Variants in ZNF202 observed in about 807,000 individuals in gnomAD.
The protein encoded by ZNF202 is zinc finger protein with KRAB and SCAN domains 10.
In ZNF202, 22 loss-of-function variants were observed where a neutral mutation model predicts 54.5. The observed-to-expected ratio is 0.40, with a 90% CI of 0.29 to 0.58. The LOEUF is 0.58. Ranked by LOEUF, ZNF202 falls within the 20% of genes least tolerant of loss-of-function variation. The pLI, the probability that ZNF202 is intolerant of heterozygous loss-of-function variation, is 0.39. For synonymous variants in ZNF202, 294 were observed against 301.4 expected (o/e 0.98, Z 0.26); for missense variants, 644 against 805.5 (o/e 0.80, Z 2.43).
chr11:123,741,371 G>A (rs1435943177), intron 1 of ZNF202, among the ~76,000 whole-genome samples, 178 bp downstream of exon 1: 1 of 152,226 alleles, frequency 6.6e-6, no homozygotes, highest in East Asian at 1.9e-4. Flanking sequence ...AGACCACAAC[G>A]TCTCGGCACC....
At chr11:123,739,566 C>G (rs1484381657) in intron 3 of ZNF202, 1 of 152,120 alleles carries the variant, frequency 6.6e-6, no homozygotes, top group African/African-American at 2.4e-5. Flanking sequence ...TTAAGAAAAT[C>G]AAGGGGAAGA....
intron 7 of ZNF202, 53 bp from the exon 8 acceptor site, chr11:123,727,648 G>C: frequency 6.2e-7 from 1 of 1,607,840 alleles, no homozygotes; most frequent in Non-Finnish European, 8.5e-7. Flanking sequence ...AATTCCCTGT[G>C]TTAAGAGCGG....
rs887691239 is a variant in ZNF202, at chr11:123,729,647, T to C, written c.581A>G (p.Gln194Arg). Residue 194 changes from glutamine (Q) to arginine (R), a missense_variant, in exon 5 of 9, where the codon CAG becomes CGG. Gln to Arg is a conservative substitution (Grantham distance 43, BLOSUM62 1). Around this residue, in one of 3 missense-constraint regions of ZNF202, gnomAD observed 536 missense variants for 635.3 expected, o/e 0.84. Transcript: ENST00000530393. ...CTGCAGGGTCTGGAGCTCCTCTTCCTGGTGTGGACGCTGCTCTGCCGGTGC... is the reference window on the plus strand; with the variant it reads ...CTGCAGGGTCTGGAGCTCCTCTTCCCGGTGTGGACGCTGCTCTGCCGGTGC... ...LGAPAEQRPH[Q>R]EEELQTLQES... 12 of 1,607,204 alleles carry C rather than the reference T, an allele frequency of 7.5e-6. No homozygotes were observed. The highest frequency in any genetic ancestry group is 4.0e-5 in the African/African-American group (3 of 74,810).
intron 3 of ZNF202, among the ~76,000 whole-genome samples, chr11:123,733,244 GATC>G (rs200314771): frequency 0.037 from 5,583 of 152,260 alleles, 250 homozygotes; most frequent in East Asian, 0.15. Context: ...TACAGTCAAT[GATC>G]ACATTATCTT....
intron 5 of ZNF202, among the ~76,000 whole-genome samples, 168 bp from the exon 6 acceptor site, chr11:123,729,382 A>C (rs1244177072): frequency 6.6e-6 from 1 of 152,156 alleles, no homozygotes; most frequent in Admixed American, 6.5e-5. Context: ...CCCATCACCT[A>C]TGAGACTATC....
chr11:123,728,094 C>A, intron 7 of ZNF202, 39 bp downstream of exon 7: 1 of 1,584,300 alleles, frequency 6.3e-7, no homozygotes, highest in South Asian at 1.1e-5. Flanking sequence ...AAAAAGATCT[C>A]TGGGCTTAGA....
chr11:123,724,709 G>T lies in ZNF202; in HGVS notation c.*1288C>A, dbSNP rs530470439. ...CCTTTAACTGGCAACAGAGATTGTT[G>T]GGCCATCATGAGATGCTACTTTCTA... On this transcript the variant is annotated 3_prime_UTR_variant, in exon 9 of 9. Coordinates refer to ENST00000530393, the MANE Select transcript of ZNF202 (RefSeq NM_003455.4). 6.6e-6 allele frequency: 1 copy of T among 152,264 alleles called. No individual in the cohort carries two copies. Among genetic ancestry groups the T allele is most frequent in the African/African-American group, 2.4e-5 (1 of 41,538 alleles). The allele number at this position is 152,264 out of a possible 1,614,324, so 9.4% of individuals were successfully genotyped here.
rs1299857364 is a variant in ZNF202, at chr11:123,724,077, A to G, written c.*1920T>C. 3 of 152,220 alleles carry G rather than the reference A, an allele frequency of 2.0e-5. No homozygotes were observed. Among genetic ancestry groups the G allele is most frequent in the Non-Finnish European group, 4.4e-5 (3 of 68,044 alleles). 9.4% of individuals were successfully genotyped at this position (152,220 alleles called of 1,614,324 possible). ...TTTTGTGGCAGACATTTCACCCAGG[A>G]CAAGCTGTGCTTAGGCTTAGATACT... On this transcript the variant is annotated 3_prime_UTR_variant, in exon 9 of 9. Coordinates refer to ENST00000530393, the MANE Select transcript of ZNF202 (RefSeq NM_003455.4).
chr11:123,723,997 G>A lies in ZNF202; in HGVS notation c.*2000C>T, dbSNP rs544374769. Among the ~76,000 whole-genome samples, 1 of 152,200 alleles carries A rather than the reference G, an allele frequency of 6.6e-6. No homozygotes were observed. Among genetic ancestry groups the A allele is most frequent in the African/African-American group, 2.4e-5 (1 of 41,448 alleles). ...ATTAAAAAGTCAATTTGTTGTCACTGCCAGTATTTTACCAACCTTTATAAA... is the reference window on the plus strand; with the variant it reads ...ATTAAAAAGTCAATTTGTTGTCACTACCAGTATTTTACCAACCTTTATAAA... On this transcript the variant is annotated 3_prime_UTR_variant, in exon 9 of 9. Transcript: ENST00000530393.
intron 3 of ZNF202, among the ~76,000 whole-genome samples, chr11:123,733,379 T>C (rs1861495977): frequency 6.6e-6 from 1 of 152,222 alleles, no homozygotes. Context: ...GATCTTCATG[T>C]GTAATTTTTC....
In ZNF202 at chr11:123,729,156, C is replaced by A. The variant is rs1445591627; in HGVS notation, c.672G>T (p.Glu224Asp). ...ACAGAGCAGTAAGAAGAGCAACCAT[C>A]TCTGAGTCTCCAGAGCTCCTCTCTG... Reference protein sequence around the residue: ...LPAERSSGDSEMVALLTALSQ... With the variant: ...LPAERSSGDSDMVALLTALSQ... The change falls in exon 6 of 9, where the codon GAG (glutamate) becomes GAT (aspartate). Residue 224 changes from glutamate (E) to aspartate (D), a missense_variant. By Grantham distance (45) the Glu-to-Asp change is conservative. Around this residue, in one of 3 missense-constraint regions of ZNF202, gnomAD observed 536 missense variants for 635.3 expected, o/e 0.84. Coordinates refer to ENST00000530393, the MANE Select transcript of ZNF202 (RefSeq NM_003455.4). 1.9e-6 allele frequency: 3 copies of A among 1,614,040 alleles called. No homozygotes were observed. Among genetic ancestry groups the A allele is most frequent in the Non-Finnish European group, 2.5e-6 (3 of 1,180,018 alleles).
At position 123,726,936 on chromosome 11, in the gene ZNF202, C is replaced by T; in HGVS notation, c.1008G>A (p.Glu336=). 2 of 1,613,970 alleles carry T rather than the reference C, an allele frequency of 1.2e-6. No homozygotes were observed. Among genetic ancestry groups the T allele is most frequent in the Non-Finnish European group, 1.7e-6 (2 of 1,180,042 alleles). ...CTCCCAAAACAGGCCTGTGTATATC[C>T]TCCAAACTCAGATCTTCCTGCTCCA... ...ECLEQEDLSL[E]DIHRPVLGEP... Residue 336 remains glutamate, a synonymous_variant, in exon 9 of 9, where the codon GAG becomes GAA. Coordinates refer to ENST00000530393, the MANE Select transcript of ZNF202 (RefSeq NM_003455.4). The surrounding 1 kb of genome is among the most constrained non-coding windows in gnomAD (Gnocchi z 6.0).
chr11:123,738,419 A>T (rs1861719267), intron 3 of ZNF202, among the ~76,000 whole-genome samples: 1 of 152,216 alleles, frequency 6.6e-6, no homozygotes, highest in Non-Finnish European at 1.5e-5. Flanking sequence ...AAACTACCCC[A>T]GAGCAGTTAA....
chr11:123,725,764 G>A lies in ZNF202; in HGVS notation c.*233C>T, dbSNP rs1055148094. On this transcript the variant is annotated 3_prime_UTR_variant, in exon 9 of 9. Transcript: ENST00000530393. ...TAGAGGCAGGTGCACTCCAGTGAAG[G>A]AGAAGCCTCAATTCAGGTTGTACTT... 9.5e-6 allele frequency: 5 copies of A among 525,590 alleles called. No individual in the cohort carries two copies. Among genetic ancestry groups the A allele is most frequent in the Non-Finnish European group, 1.3e-5 (4 of 299,622 alleles). The allele number at this position is 525,590 out of a possible 1,614,324, so 32.6% of individuals were successfully genotyped here.
rs957827841 is a variant in ZNF202, at chr11:123,725,280, C to T, written c.*717G>A. ...AAATATTAAAAACAAAACCAAAACT[C>T]GTATGGAAAGAGGCTTCTGACTAGG... On this transcript the variant is annotated 3_prime_UTR_variant, in exon 9 of 9. Transcript: ENST00000530393. The T allele has an allele frequency of 3.3e-5, 5 of 152,154 alleles. No individual in the cohort carries two copies. The highest frequency in any genetic ancestry group is 7.4e-5 in the Non-Finnish European group (5 of 68,026). The allele number at this position is 152,154 out of a possible 1,614,324, so 9.4% of individuals were successfully genotyped here. A position where few individuals can be genotyped will look rare whatever the true frequency, so the allele number is the denominator to read the frequency against.
At chr11:123,738,862 C>T (rs780868177) in intron 3 of ZNF202, 4 of 152,112 alleles carry the variant, frequency 2.6e-5, no homozygotes, top group Non-Finnish European at 5.9e-5. Flanking sequence ...ATGGGATCCC[C>T]GCCTGTTGAA....
At chr11:123,738,131 C>T (rs1158166571) in intron 3 of ZNF202, among the ~76,000 whole-genome samples, 1 of 152,170 alleles carries the variant, frequency 6.6e-6, no homozygotes, top group African/African-American at 2.4e-5. Context: ...CCCACCCCAG[C>T]CTCCTAAGTA....
intron 3 of ZNF202, among the ~76,000 whole-genome samples, chr11:123,738,404 C>T (rs1861718273): frequency 6.6e-6 from 1 of 152,178 alleles, no homozygotes; most frequent in South Asian, 2.1e-4. Context: ...TTTTAACCTT[C>T]AGGAAAACTA....
Position 123,726,194 on chromosome 11 carries a change from A to C in ZNF202, c.1750T>G (p.Leu584Val). 6.2e-7 allele frequency: 1 copy of C among 1,614,184 alleles called. No homozygotes were observed. The change falls in exon 9 of 9, where the codon TTG (leucine) becomes GTG (valine). Residue 584 changes from leucine to valine, a missense_variant. Coordinates refer to ENST00000530393, the MANE Select transcript of ZNF202 (RefSeq NM_003455.4). The surrounding 1 kb of genome is among the most constrained non-coding windows in gnomAD (Gnocchi z 6.0). ...GGCCTCACTGAGGCGTGTCCTCTCA[A>C]GTGCTTGGCGAACGCTGCGCTGTGG... Reference protein sequence around the residue: ...FTHSAAFAKHLRGHASVRPCR... With the variant: ...FTHSAAFAKHVRGHASVRPCR...
Sources: gnomAD v4.1 joint callset for allele counts (sites outside exome capture counted in the v4.1 genomes callset) on GRCh38, gnomAD v4.1.1 for gene constraint, gnomAD v4.1.1 regional missense constraint, Gnocchi (gnomAD v3.1) non-coding constraint, MANE v1.5 for transcripts, NCBI Gene and HGNC (gene_info 2026-07-23, HGNC 2026-07-21) for gene names.